THSD7B: variants seen among roughly 807,000 people sequenced by gnomAD.
THSD7B encodes the protein thrombospondin type-1 domain-containing protein 7B.
THSD7B carries 138 observed loss-of-function variants against 213.6 expected under a neutral mutation model. The ratio of observed to expected loss-of-function variants is 0.65; its 90% CI spans 0.56 to 0.74. The LOEUF is 0.74. Among genes scored for constraint, THSD7B ranks in the 30% least tolerant of loss-of-function variants. The probability of loss-of-function intolerance (pLI) is 0.00; values close to 1 mark genes in which losing one functional copy is unlikely to be tolerated. For missense variants in THSD7B, 1,931 were observed against 1,991.5 expected, an observed-to-expected ratio of 0.97 and a Z score of 0.58; for synonymous variants, 742 against 687.0, an observed-to-expected ratio of 1.08 and a Z score of -1.25.
At chr2:136,844,178 C>T (rs1682962268) in intron 1 of THSD7B, among the ~76,000 whole-genome samples, 1 of 152,006 alleles carries the variant, frequency 6.6e-6, no homozygotes, top group Admixed American at 6.6e-5. Context: ...ATTCTAGAGA[C>T]CTAAATAGAG....
intron 2 of THSD7B, among the ~76,000 whole-genome samples, chr2:136,947,022 C>A (rs554032641): frequency 1.1e-3 from 162 of 152,312 alleles, no homozygotes; most frequent in African/African-American, 3.7e-3. Context: ...TGAGATGAAC[C>A]AGTTACCTCA....
At position 137,282,077 on chromosome 2, in the gene THSD7B, C is replaced by G. The variant is rs1296662956; in HGVS notation, c.2500+6051C>G. On this transcript the variant is annotated intron_variant, in intron 12 of 27. Coordinates refer to ENST00000409968, the MANE Select transcript of THSD7B (RefSeq NM_001316349.2). ...CTCTCCAGCACCTGTTGTTTCCTGACTTTTTAATGATCGCCATTCTAACTG... is the reference window on the plus strand; with the variant it reads ...CTCTCCAGCACCTGTTGTTTCCTGAGTTTTTAATGATCGCCATTCTAACTG... 2.6e-5 allele frequency among the ~76,000 whole-genome samples: 4 copies of G among 152,130 alleles called. No homozygotes were observed. In the East Asian group the frequency reaches 5.8e-4, roughly 22 times the overall value.
chr2:137,434,117 C>A (rs1182118916), intron 14 of THSD7B, among the ~76,000 whole-genome samples: 2 of 152,184 alleles, frequency 1.3e-5, no homozygotes, highest in African/African-American at 4.8e-5. Flanking sequence ...CATTCCCACT[C>A]AGCATTTGTT....
intron 2 of THSD7B, among the ~76,000 whole-genome samples, chr2:137,053,471 G>A (rs59631603): frequency 0.087 from 13,194 of 151,734 alleles, 702 homozygotes; most frequent in East Asian, 0.17. Flanking sequence ...TAAAGAAAGA[G>A]GAGATGAAAT....
At chr2:137,357,859 C>T (rs542778784) in intron 12 of THSD7B, among the ~76,000 whole-genome samples, 49 of 152,270 alleles carry the variant, frequency 3.2e-4, no homozygotes, top group African/African-American at 1.1e-3. Context: ...CTTTGTTCTG[C>T]AGCTGACTCA....
intron 12 of THSD7B, among the ~76,000 whole-genome samples, chr2:137,298,924 G>A (rs1683531359): frequency 6.6e-6 from 1 of 152,200 alleles, no homozygotes; most frequent in Admixed American, 6.5e-5. Context: ...TGTGGGGTTG[G>A]AGTCCCCACA....
At chr2:137,409,284 G>A in intron 13 of THSD7B, among the ~76,000 whole-genome samples, 1 of 152,334 alleles carries the variant, frequency 6.6e-6, no homozygotes, top group East Asian at 1.9e-4. Flanking sequence ...AGATTTGCAG[G>A]TGGGGCTAAA....
chr2:137,344,979 G>C (rs528945571), intron 12 of THSD7B, among the ~76,000 whole-genome samples: 4 of 151,688 alleles, frequency 2.6e-5, no homozygotes, highest in African/African-American at 9.6e-5. Context: ...TGTACAGAGA[G>C]TGACTCTAGA....
At chr2:137,476,149 G>A (rs1688186409) in intron 15 of THSD7B, among the ~76,000 whole-genome samples, 1 of 151,808 alleles carries the variant, frequency 6.6e-6, no homozygotes, top group Admixed American at 6.6e-5. Flanking sequence ...GCTTTTTAAT[G>A]TGACTATTTT....
At chr2:137,405,251 T>C (rs1027649560) in intron 12 of THSD7B, among the ~76,000 whole-genome samples, 1 of 149,294 alleles carries the variant, frequency 6.7e-6, no homozygotes, top group Non-Finnish European at 1.5e-5. Context: ...TTTTTAAAAG[T>C]AGTTTCGTCC....
chr2:137,003,804 GA>G (rs1325323318), intron 2 of THSD7B, among the ~76,000 whole-genome samples: 2 of 152,046 alleles, frequency 1.3e-5, no homozygotes, highest in East Asian at 3.9e-4. Context: ...ACAGGTAAAG[GA>G]AAAAGAGTCA....
At chr2:137,439,710 T>C (rs74790875) in intron 14 of THSD7B, among the ~76,000 whole-genome samples, 148 of 152,272 alleles carry the variant, frequency 9.7e-4, no homozygotes, top group Admixed American at 2.5e-3. Context: ...GTACTGTGAA[T>C]TCATTCTTGT....
chr2:137,398,927 C>G (rs1313094269), intron 12 of THSD7B, among the ~76,000 whole-genome samples: 1 of 152,180 alleles, frequency 6.6e-6, no homozygotes. Context: ...ACCCGATTTT[C>G]CAGGTGCTGT....
chr2:136,994,491 C>T (rs1460210579), intron 2 of THSD7B, among the ~76,000 whole-genome samples: 4 of 152,080 alleles, frequency 2.6e-5, no homozygotes, highest in Admixed American at 6.5e-5. Flanking sequence ...GGCATGAACC[C>T]GGGAGGCGGA....
chr2:137,366,640 G>C (rs1000468869), intron 12 of THSD7B, among the ~76,000 whole-genome samples: 3 of 151,090 alleles, frequency 2.0e-5, no homozygotes, highest in Non-Finnish European at 4.4e-5. Context: ...AAAAAAAATA[G>C]AAGAAAAACT....
At chr2:137,510,492 AAAG>A (rs1679939054) in intron 15 of THSD7B, among the ~76,000 whole-genome samples, 1 of 152,186 alleles carries the variant, frequency 6.6e-6, no homozygotes, top group African/African-American at 2.4e-5. Flanking sequence ...TCTAAATCTT[AAAG>A]AAGAAAGGAA....
chr2:137,398,666 C>A (rs1233496991), intron 12 of THSD7B, among the ~76,000 whole-genome samples: 2 of 152,114 alleles, frequency 1.3e-5, no homozygotes, highest in Non-Finnish European at 2.9e-5. Flanking sequence ...GGCAGGCAGG[C>A]CTCCTTGAGC....
chr2:137,284,972 G>A (rs963711459), intron 12 of THSD7B, among the ~76,000 whole-genome samples: 7 of 152,006 alleles, frequency 4.6e-5, no homozygotes, highest in African/African-American at 7.2e-5. Context: ...TTTCTGTCTC[G>A]TTGATCTGTC....
chr2:136,873,583 C>G (rs1031993539), intron 1 of THSD7B, among the ~76,000 whole-genome samples: 3 of 152,154 alleles, frequency 2.0e-5, no homozygotes, highest in Non-Finnish European at 2.9e-5. Flanking sequence ...GGCACAAAGT[C>G]ACAAGATTGG....
Sources: gnomAD v4.1 joint callset for allele counts (sites outside exome capture counted in the v4.1 genomes callset) on GRCh38, gnomAD v4.1.1 for gene constraint, MANE v1.5 for transcripts, NCBI Gene and HGNC (gene_info 2026-07-23, HGNC 2026-07-21) for gene names.